The following SYN2 variants were observed in gnomAD, a reference collection of about 807,000 sequenced individuals.
SYN2 encodes the protein synapsin II, also known as synapsin-2.
Under a neutral mutation model 50.9 loss-of-function variants are expected in SYN2, and 19 were observed. That is an observed-to-expected ratio of 0.37 (90% CI 0.26 to 0.55). The LOEUF (loss-of-function observed/expected upper bound fraction) is 0.55, where lower values mean the gene tolerates loss of function less well. SYN2 is among the 20% of genes least tolerant of loss of function. SYN2 has a pLI of 0.81. For missense variants in SYN2, 587 were observed against 576.4 expected, an observed-to-expected ratio of 1.02 and a Z score of -0.19; for synonymous variants, 255 against 224.9, an observed-to-expected ratio of 1.13 and a Z score of -1.20.
At chr3:12,103,248 A>C (rs558998027) in intron 1 of SYN2, among the ~76,000 whole-genome samples, 1 of 152,262 alleles carries the variant, frequency 6.6e-6, no homozygotes, top group East Asian at 1.9e-4. Flanking sequence ...AAAATTTATT[A>C]TATAACAGAG....
intron 1 of SYN2, among the ~76,000 whole-genome samples, chr3:12,062,661 G>T (rs535973199): frequency 2.6e-5 from 4 of 151,904 alleles, no homozygotes; most frequent in Admixed American, 1.3e-4. Context: ...AATAAGAAGC[G>T]TAGACAGTTT....
intron 1 of SYN2, among the ~76,000 whole-genome samples, chr3:12,058,901 G>C (rs307599): frequency 0.73 from 111,396 of 152,078 alleles, 41,053 homozygotes; most frequent in Admixed American, 0.8. Context: ...CAACTTCTAG[G>C]GATAGCACTT....
chr3:12,165,823 C>T, intron 7 of SYN2, among the ~76,000 whole-genome samples: 1 of 152,146 alleles, frequency 6.6e-6, no homozygotes, highest in African/African-American at 2.4e-5. Flanking sequence ...TTTTGCCAGC[C>T]ACTCAGTAGT....
chr3:12,105,256 T>G (rs142120895), intron 1 of SYN2, among the ~76,000 whole-genome samples: 95 of 152,192 alleles, frequency 6.2e-4, no homozygotes, highest in African/African-American at 2.2e-3. Flanking sequence ...TTTTGAATTC[T>G]GGGCAGAACC....
chr3:12,168,881 T>C (rs1697872116), intron 9 of SYN2, among the ~76,000 whole-genome samples: 1 of 152,204 alleles, frequency 6.6e-6, no homozygotes, highest in Admixed American at 6.5e-5. Context: ...TCTCTGAGCC[T>C]TGGAGACACT....
chr3:12,004,435 T>TGCTGGCTAAGCC lies in SYN2; in HGVS notation c.-114_-103dup, dbSNP rs1165828050. 1 of 278,172 alleles carries TGCTGGCTAAGCC rather than the reference T, an allele frequency of 3.6e-6. No individual in the cohort carries two copies. The highest frequency in any genetic ancestry group is 2.3e-5 in the African/African-American group (1 of 43,390). 17.2% of individuals were successfully genotyped at this position (278,172 alleles called of 1,614,324 possible). A position where few individuals can be genotyped will look rare whatever the true frequency, so the allele number is the denominator to read the frequency against. ...GGTCTGGTGCCGGGGCCTGAGTCTC[T>TGCTGGCTAAGCC]GCTGGCTAAGCCGCCGCCTCAGCCG... On this transcript the variant is annotated 5_prime_UTR_variant, in exon 1 of 13. Coordinates refer to ENST00000621198, the MANE Select transcript of SYN2 (RefSeq NM_133625.6).
intron 1 of SYN2, among the ~76,000 whole-genome samples, chr3:12,024,790 G>C (rs1694219201): frequency 2.6e-5 from 4 of 152,276 alleles, no homozygotes; most frequent in African/African-American, 9.6e-5. Flanking sequence ...TATTCCTGCT[G>C]GGTGTGTACC....
intron 1 of SYN2, among the ~76,000 whole-genome samples, chr3:12,077,575 GT>G (rs1195792872): frequency 1.3e-5 from 2 of 152,062 alleles, no homozygotes; most frequent in African/African-American, 4.8e-5. Context: ...GCGGTGTTTG[GT>G]TTTCTGTTCC....
At chr3:12,097,334 C>T (rs1367348913) in intron 1 of SYN2, among the ~76,000 whole-genome samples, 3 of 151,940 alleles carry the variant, frequency 2.0e-5, no homozygotes, top group South Asian at 2.1e-4. Flanking sequence ...TGGCCGGGTG[C>T]GGTGGCTAAT....
At chr3:12,054,838 A>T (rs1355924383) in intron 1 of SYN2, among the ~76,000 whole-genome samples, 1 of 152,180 alleles carries the variant, frequency 6.6e-6, no homozygotes, top group Non-Finnish European at 1.5e-5. Context: ...TAGATATTCA[A>T]AAATGAAATT....
chr3:12,061,364 A>G (rs992396877), intron 1 of SYN2, among the ~76,000 whole-genome samples: 2 of 152,146 alleles, frequency 1.3e-5, no homozygotes, highest in Non-Finnish European at 2.9e-5. Context: ...TTGATTCATG[A>G]TAAACATTCT....
At chr3:12,021,300 G>T (rs1029647348) in intron 1 of SYN2, among the ~76,000 whole-genome samples, 5 of 152,080 alleles carry the variant, frequency 3.3e-5, no homozygotes, top group African/African-American at 1.2e-4. Context: ...TATCTGAAAA[G>T]ATTCTATGAA....
chr3:12,147,868 C>T (rs983205911), intron 4 of SYN2, among the ~76,000 whole-genome samples: 5 of 152,052 alleles, frequency 3.3e-5, no homozygotes, highest in African/African-American at 1.2e-4. Context: ...AATCCCAGCA[C>T]TTTGGGAGGC....
chr3:12,062,914 CTA>C, intron 1 of SYN2, among the ~76,000 whole-genome samples: 1 of 152,012 alleles, frequency 6.6e-6, no homozygotes, highest in East Asian at 1.9e-4. Context: ...AATAAATGAG[CTA>C]TCAAGCTACA....
intron 7 of SYN2, among the ~76,000 whole-genome samples, chr3:12,165,096 CCT>C (rs1178905497): frequency 6.6e-6 from 1 of 151,868 alleles, no homozygotes; most frequent in Non-Finnish European, 1.5e-5. Flanking sequence ...AAGCAATTCC[CCT>C]CTCTCAGCCT....
At chr3:12,038,054 CT>C (rs1334834084) in intron 1 of SYN2, among the ~76,000 whole-genome samples, 1 of 152,128 alleles carries the variant, frequency 6.6e-6, no homozygotes, top group African/African-American at 2.4e-5. Context: ...ACACTTAGAT[CT>C]TTGAATCCAT....
chr3:12,044,181 T>TCACACACACA (rs1553610019), intron 1 of SYN2, among the ~76,000 whole-genome samples: 919 of 53,230 alleles, frequency 0.017, 4 homozygotes, highest in Non-Finnish European at 0.028. Flanking sequence ...TCTCTCTCTC[T>TCACACACACA]CACACACACA....
intron 1 of SYN2, among the ~76,000 whole-genome samples, chr3:12,065,490 C>T (rs559751604): frequency 1.3e-5 from 2 of 152,164 alleles, no homozygotes; most frequent in Admixed American, 1.3e-4. Context: ...AAAGGTGGTA[C>T]ATATATACTA....
At chr3:12,050,599 C>T (rs1041567449) in intron 1 of SYN2, among the ~76,000 whole-genome samples, 1 of 151,522 alleles carries the variant, frequency 6.6e-6, no homozygotes, top group Non-Finnish European at 1.5e-5. Context: ...CGGCCTCAGT[C>T]TCCCAAAGTG....
Sources: gnomAD v4.1 joint callset for allele counts (sites outside exome capture counted in the v4.1 genomes callset) on GRCh38, gnomAD v4.1.1 for gene constraint, MANE v1.5 for transcripts, NCBI Gene and HGNC (gene_info 2026-07-23, HGNC 2026-07-21) for gene names.